MAGI1: variants seen among roughly 807,000 people sequenced by gnomAD.
MAGI1 encodes the protein membrane associated guanylate kinase, WW and PDZ domain containing 1.
In MAGI1, 58 loss-of-function variants were observed where a neutral mutation model predicts 139.9. The ratio of observed to expected loss-of-function variants is 0.41; its 90% CI spans 0.34 to 0.52. The LOEUF (loss-of-function observed/expected upper bound fraction) is 0.52. MAGI1 is among the 20% of genes least tolerant of loss of function. The probability of loss-of-function intolerance (pLI) is 0.12; values close to 1 mark genes in which losing one functional copy is unlikely to be tolerated. For synonymous variants in MAGI1, 812 were observed against 737.9 expected (o/e 1.10, Z -1.63); for missense variants, 1,874 against 1,901.6 (o/e 0.99, Z 0.27).
chr3:65,549,488 T>TC, intron 2 of MAGI1: 1 of 985,210 alleles, frequency 1.0e-6, no homozygotes, highest in Admixed American at 6.1e-5. Context: ...GCCCGCCTCA[T>TC]CCCCGCGCGT....
chr3:65,829,675 T>C (rs1219761461), intron 1 of MAGI1, among the ~76,000 whole-genome samples: 1 of 152,224 alleles, frequency 6.6e-6, no homozygotes, highest in African/African-American at 2.4e-5. Context: ...AAATGTTTTT[T>C]AATAAGCATG....
chr3:65,716,187 G>A (rs1423703077), intron 1 of MAGI1, among the ~76,000 whole-genome samples: 1 of 152,192 alleles, frequency 6.6e-6, no homozygotes, highest in Non-Finnish European at 1.5e-5. Context: ...CACTGTATCA[G>A]ATTCAGGACT....
rs1037030873 is a variant in MAGI1, at chr3:65,732,533, T to A, written c.314-110445A>T. On this transcript the variant is annotated intron_variant, in intron 1 of 22. Transcript: ENST00000402939. ...GCTCTCTGCTACCCTCTAGAGGATA[T>A]CAGCATTACAACAGTAAAGAAGAAA... 2.6e-5 allele frequency among the ~76,000 whole-genome samples: 4 copies of A among 152,192 alleles called. No homozygotes were observed. In the East Asian group the frequency reaches 5.8e-4, roughly 22 times the overall value.
intron 1 of MAGI1, among the ~76,000 whole-genome samples, chr3:65,965,873 C>T (rs191506436): frequency 3.3e-5 from 5 of 152,190 alleles, no homozygotes; most frequent in Non-Finnish European, 5.9e-5. Flanking sequence ...GGGCTGGTCT[C>T]GAACTCTGAC....
At chr3:65,425,127 A>C (rs1490013158) in intron 12 of MAGI1, among the ~76,000 whole-genome samples, 2 of 47,090 alleles carry the variant, frequency 4.2e-5, no homozygotes, top group South Asian at 1.1e-3. Context: ...AAAAAAAAAA[A>C]AAAAACAAAA....
chr3:66,013,059 A>C (rs1437226102), intron 1 of MAGI1, among the ~76,000 whole-genome samples: 1 of 152,092 alleles, frequency 6.6e-6, no homozygotes, highest in African/African-American at 2.4e-5. Flanking sequence ...AGGGGTGGGG[A>C]GGGTCACAGT....
At chr3:65,700,300 G>A (rs565931932) in intron 1 of MAGI1, among the ~76,000 whole-genome samples, 1 of 152,112 alleles carries the variant, frequency 6.6e-6, no homozygotes, top group South Asian at 2.1e-4. Flanking sequence ...AAATTAGTTG[G>A]GCATGGTGGT....
chr3:65,787,009 A>C (rs17073790), intron 1 of MAGI1, among the ~76,000 whole-genome samples: 7,569 of 152,168 alleles, frequency 0.05, 207 homozygotes, highest in African/African-American at 0.07. Context: ...CCTCTTACTA[A>C]GCCACAAGCA....
intron 8 of MAGI1, 37 bp downstream of exon 8, chr3:65,442,755 G>A: frequency 6.7e-7 from 1 of 1,483,484 alleles, no homozygotes; most frequent in South Asian, 1.1e-5. Flanking sequence ...TTATAGAGAG[G>A]TATAAACTAA....
intron 1 of MAGI1, among the ~76,000 whole-genome samples, chr3:65,774,798 G>A (rs1026953373): frequency 6.6e-6 from 1 of 152,170 alleles, no homozygotes; most frequent in Non-Finnish European, 1.5e-5. Context: ...CCTATGTTCT[G>A]TGCCTAACAA....
intron 1 of MAGI1, among the ~76,000 whole-genome samples, chr3:65,794,425 T>G (rs1162473629): frequency 6.6e-6 from 1 of 152,156 alleles, no homozygotes; most frequent in East Asian, 1.9e-4. Flanking sequence ...ATCCAGTGAC[T>G]AAGACTGCGC....
At chr3:65,812,221 T>C (rs557460876) in intron 1 of MAGI1, among the ~76,000 whole-genome samples, 3 of 152,138 alleles carry the variant, frequency 2.0e-5, no homozygotes, top group East Asian at 1.9e-4. Context: ...ACCTGACTAA[T>C]CTTATCACAT....
chr3:65,755,515 G>A (rs1240540902), intron 1 of MAGI1, among the ~76,000 whole-genome samples: 2 of 146,852 alleles, frequency 1.4e-5, no homozygotes, highest in Non-Finnish European at 3.0e-5. Flanking sequence ...CAGTGGGGGT[G>A]GTAATTAGAA....
chr3:65,681,986 C>G (rs2087622431), intron 1 of MAGI1, among the ~76,000 whole-genome samples: 1 of 152,094 alleles, frequency 6.6e-6, no homozygotes, highest in Non-Finnish European at 1.5e-5. Context: ...CACACACATG[C>G]TACTTTGTCC....
chr3:66,007,514 C>T (rs951064701), intron 1 of MAGI1, among the ~76,000 whole-genome samples: 1 of 152,074 alleles, frequency 6.6e-6, no homozygotes, highest in African/African-American at 2.4e-5. Context: ...AGGAGGAGAG[C>T]GAGGAAGAGG....
intron 1 of MAGI1, among the ~76,000 whole-genome samples, chr3:65,775,906 C>T (rs2038381303): frequency 6.7e-6 from 1 of 150,060 alleles, no homozygotes; most frequent in Non-Finnish European, 1.5e-5. Context: ...CACATCACTG[C>T]ACTTCAGCCT....
intron 8 of MAGI1, among the ~76,000 whole-genome samples, chr3:65,441,175 G>C (rs1948299664): frequency 6.6e-6 from 1 of 151,930 alleles, no homozygotes; most frequent in Admixed American, 6.6e-5. Context: ...AGGCCAGGCT[G>C]GTCTCGAACT....
intron 1 of MAGI1, among the ~76,000 whole-genome samples, chr3:65,665,150 C>A (rs192582931): frequency 6.6e-6 from 1 of 152,320 alleles, no homozygotes; most frequent in African/African-American, 2.4e-5. Flanking sequence ...TCACACTCAG[C>A]AAATTTCCTA....
chr3:65,742,990 G>A (rs1045532445), intron 1 of MAGI1, among the ~76,000 whole-genome samples: 7 of 152,080 alleles, frequency 4.6e-5, no homozygotes, highest in African/African-American at 1.7e-4. Flanking sequence ...GTAAATGGGA[G>A]ACAGGGTTAA....
Sources: allele counts gnomAD v4.1 joint callset (sites outside exome capture counted in the v4.1 genomes callset), GRCh38; gene constraint gnomAD v4.1.1; transcripts MANE v1.5; gene names NCBI Gene and HGNC (gene_info 2026-07-23, HGNC 2026-07-21).